TDRD10: variants seen among roughly 807,000 people sequenced by gnomAD.
TDRD10 encodes tudor domain-containing protein 10.
Under a neutral mutation model 48.0 loss-of-function variants are expected in TDRD10, and 40 were observed. The ratio of observed to expected loss-of-function variants is 0.83; its 90% CI spans 0.65 to 1.09. The LOEUF is 1.09. Ranked by LOEUF, TDRD10 falls within the 50% of genes least tolerant of loss-of-function variation. The pLI, the probability that TDRD10 is intolerant of heterozygous loss-of-function variation, is 0.00. For missense variants in TDRD10, 378 were observed against 434.7 expected (o/e 0.87, Z 1.16); for synonymous variants, 162 against 170.4 (o/e 0.95, Z 0.38).
chr1:154,511,071 A>C (rs1006763132), intron 4 of TDRD10, among the ~76,000 whole-genome samples: 1 of 151,770 alleles, frequency 6.6e-6, no homozygotes, highest in African/African-American at 2.4e-5. Flanking sequence ...TAAAATATAT[A>C]TAATATTTAC....
intron 6 of TDRD10, among the ~76,000 whole-genome samples, chr1:154,526,048 T>A (rs892315717): frequency 2.7e-5 from 4 of 149,226 alleles, no homozygotes; most frequent in Non-Finnish European, 4.4e-5. Flanking sequence ...ATAAAAAAAA[T>A]ACAAAAATTA....
intron 6 of TDRD10, chr1:154,534,606 T>G (rs1272810845): frequency 6.6e-6 from 1 of 152,240 alleles, no homozygotes; most frequent in Non-Finnish European, 1.5e-5. Context: ...CGTACAAAGG[T>G]CAGTCGTTGT....
In TDRD10 at chr1:154,545,506, A is replaced by G. The variant is rs1004056192; in HGVS notation, c.952+557A>G. On this transcript the variant is annotated intron_variant, in intron 11 of 12. Coordinates refer to ENST00000368482, the MANE Select transcript of TDRD10 (RefSeq NM_182499.4). Reference sequence around the variant, plus strand: ...TGAAAGAATGTTTTAGGGGGCAGTCAGGAGAAGTGGAGGTGAAGAAGCATA... The same window carrying G: ...TGAAAGAATGTTTTAGGGGGCAGTCGGGAGAAGTGGAGGTGAAGAAGCATA... 2.0e-4 allele frequency among the ~76,000 whole-genome samples: 30 copies of G among 152,360 alleles called. 1 individual carries two copies. Among genetic ancestry groups the G allele is most frequent in the South Asian group, 4.1e-4 (2 of 4,828 alleles).
At position 154,521,338 on chromosome 1, in the gene TDRD10, T is replaced by G; in HGVS notation, c.228T>G (p.Asp76Glu). The change falls in exon 6 of 13, where the codon GAT becomes GAG. Residue 76 changes from aspartate to glutamate, a missense_variant. By Grantham distance (45) the Asp-to-Glu change is conservative (BLOSUM62 2). Transcript: ENST00000368482. ...QNGCKCFAFV[D>E]LGSMQKVTLA... ...CCCTTTTCAGCTTTGCATTTGTAGA[T>G]CTGGGCTCCATGCAGAAAGTGACAC... The G allele has an allele frequency of 6.2e-7, 1 of 1,614,112 alleles. No individual in the cohort carries two copies. The highest frequency in any genetic ancestry group is 8.5e-7 in the Non-Finnish European group (1 of 1,180,014).
chr1:154,503,852 C>T (rs187015407), intron 1 of TDRD10, among the ~76,000 whole-genome samples: 138 of 152,264 alleles, frequency 9.1e-4, no homozygotes, highest in Non-Finnish European at 1.7e-3. Context: ...TGCGTAGTGA[C>T]ATTTTTTTAA....
In TDRD10 at chr1:154,537,790, A is replaced by G. The variant is rs1031150506; in HGVS notation, c.370-4234A>G. 2.6e-4 allele frequency among the ~76,000 whole-genome samples: 40 copies of G among 152,206 alleles called. 3 individuals are homozygous for G. ...TCTCCCACTGCACGGACTCCCCAGCATCACTCTGGAGCAGGCGCACCTCTT... is the reference window on the plus strand; with the variant it reads ...TCTCCCACTGCACGGACTCCCCAGCGTCACTCTGGAGCAGGCGCACCTCTT... On this transcript the variant is annotated intron_variant, in intron 6 of 12. Transcript: ENST00000368482.
intron 4 of TDRD10, 150 bp downstream of exon 4, chr1:154,508,631 T>G (rs1041315923): frequency 3.1e-6 from 2 of 649,458 alleles, no homozygotes; most frequent in African/African-American, 3.6e-5. Flanking sequence ...GGGTAACCAA[T>G]GCATCACAGT....
rs1331467144 is a variant in TDRD10 at position 154,544,725 on chromosome 1, T to A, written c.798-70T>A. Reference sequence around the variant, plus strand: ...TCCTACCTCCACTTTCACATCCACTTTGTTGAGGACTGCTGTGCATGGCAC... The same window carrying A: ...TCCTACCTCCACTTTCACATCCACTATGTTGAGGACTGCTGTGCATGGCAC... On this transcript the variant is annotated intron_variant, in intron 10 of 12. Transcript: ENST00000368482. 2.3e-5 allele frequency: 36 copies of A among 1,564,126 alleles called. No individual in the cohort carries two copies. The South Asian group carries it at 2.7e-4, about 12-fold the overall frequency.
At chr1:154,543,902 C>A in intron 8 of TDRD10, 61 bp from the exon 9 acceptor site, 1 of 1,597,578 alleles carries the variant, frequency 6.3e-7, no homozygotes, top group South Asian at 1.1e-5. Flanking sequence ...TTGGTCCAGT[C>A]GTTCCTTTCC....
intron 11 of TDRD10, among the ~76,000 whole-genome samples, chr1:154,545,579 TTC>T (rs1261132511): frequency 6.6e-6 from 1 of 152,054 alleles, no homozygotes; most frequent in Non-Finnish European, 1.5e-5. Flanking sequence ...TTTAAAAAAT[TTC>T]TTTTTTTTTC....
At chr1:154,525,210 T>G (rs935040115) in intron 6 of TDRD10, among the ~76,000 whole-genome samples, 3 of 152,168 alleles carry the variant, frequency 2.0e-5, no homozygotes, top group African/African-American at 7.2e-5. Context: ...AGAGTTAAGT[T>G]GTGTCATGCC....
chr1:154,509,796 G>T (rs1484874248), intron 4 of TDRD10: 2 of 985,278 alleles, frequency 2.0e-6, no homozygotes, highest in African/African-American at 3.5e-5. Flanking sequence ...ATTTTGGCAG[G>T]CTGGTCCAAC....
intron 4 of TDRD10, among the ~76,000 whole-genome samples, chr1:154,518,194 G>A (rs1398680685): frequency 6.6e-6 from 1 of 152,182 alleles, no homozygotes; most frequent in Non-Finnish European, 1.5e-5. Flanking sequence ...AGCAGAAGGT[G>A]CAGTATGATT....
At chr1:154,533,185 G>A (rs1465178331) in intron 6 of TDRD10, among the ~76,000 whole-genome samples, 2 of 152,150 alleles carry the variant, frequency 1.3e-5, no homozygotes, top group African/African-American at 4.8e-5. Flanking sequence ...CCAGCCCCAT[G>A]AGGGCAGAAG....
intron 6 of TDRD10, among the ~76,000 whole-genome samples, chr1:154,522,884 G>A (rs781559581): frequency 6.6e-5 from 10 of 151,832 alleles, no homozygotes; most frequent in South Asian, 2.1e-4. Context: ...TGGATGATTC[G>A]ACTAAGAGTC....
intron 3 of TDRD10, 59 bp downstream of exon 3, chr1:154,507,379 A>G: frequency 6.3e-7 from 1 of 1,586,766 alleles, no homozygotes; most frequent in Non-Finnish European, 8.6e-7. Context: ...CTTGGATTCC[A>G]GTTAATGGTT....
At position 154,544,871 on chromosome 1, in the gene TDRD10, G is replaced by A. The variant is rs1557839261; in HGVS notation, c.874G>A (p.Val292Met). The change falls in exon 11 of 13, where the codon GTG becomes ATG. Residue 292 changes from valine (V) to methionine (M), a missense_variant. This residue lies in a region of TDRD10 where 68 missense variants were observed against 111.1 expected (regional missense o/e 0.61). Coordinates refer to ENST00000368482, the MANE Select transcript of TDRD10 (RefSeq NM_182499.4). The stretch of plus-strand genomic sequence containing the variant: ...TTTTGGACAGTTGGCCACCATCCCT[G>A]TGCAGTCTCTGCGCAGCCTAGACAG... ...IDFGQLATIP[V>M]QSLRSLDSDD... 3 of 1,614,184 alleles carry A rather than the reference G, an allele frequency of 1.9e-6. No homozygotes were observed. The highest frequency in any genetic ancestry group is 2.5e-6 in the Non-Finnish European group (3 of 1,180,034).
intron 4 of TDRD10, among the ~76,000 whole-genome samples, chr1:154,519,856 G>A (rs1399735951): frequency 6.6e-6 from 1 of 152,040 alleles, no homozygotes; most frequent in Non-Finnish European, 1.5e-5. Context: ...GAGAGGAGAA[G>A]GGTGTGGGGA....
intron 4 of TDRD10, among the ~76,000 whole-genome samples, chr1:154,518,886 C>T (rs1455215096): frequency 6.6e-6 from 1 of 152,170 alleles, no homozygotes; most frequent in Non-Finnish European, 1.5e-5. Context: ...TTACTGATAA[C>T]TGCCAAAATA....
Sources: gnomAD v4.1 joint callset for allele counts (sites outside exome capture counted in the v4.1 genomes callset) on GRCh38, gnomAD v4.1.1 for gene constraint, gnomAD v4.1.1 regional missense constraint, MANE v1.5 for transcripts, NCBI Gene and HGNC (gene_info 2026-07-23, HGNC 2026-07-21) for gene names.